ERCC1: variants seen among roughly 807,000 people sequenced by gnomAD.
ERCC1 encodes DNA excision repair protein ERCC-1.
ERCC1 carries 36 observed loss-of-function variants against 37.6 expected under a neutral mutation model. The ratio of observed to expected loss-of-function variants is 0.96; its 90% CI spans 0.73 to 1.26. ERCC1 has a LOEUF of 1.26. Among genes scored for constraint, ERCC1 ranks in the 50% most tolerant of loss-of-function variants. ERCC1 has a pLI of 0.00. For synonymous variants in ERCC1, 156 were observed against 162.1 expected (o/e 0.96, Z 0.28); for missense variants, 349 against 376.5 (o/e 0.93, Z 0.60).
In ERCC1 at chr19:45,408,005, G is replaced by A; in HGVS notation, c.*1670C>T. On this transcript the variant is annotated 3_prime_UTR_variant, in exon 10 of 10. Transcript: ENST00000300853. ...GGAGGTGGACATTGCAGTGAGCCGAGATCATGCCACTGCACTCCAGCCTAG... is the reference window on the plus strand; with the variant it reads ...GGAGGTGGACATTGCAGTGAGCCGAAATCATGCCACTGCACTCCAGCCTAG... The A allele has an allele frequency of 8.0e-7, 1 of 1,254,054 alleles. No individual in the cohort carries two copies. Among genetic ancestry groups the A allele is most frequent in the Non-Finnish European group, 1.1e-6 (1 of 925,928 alleles). 77.7% of individuals were successfully genotyped at this position (1,254,054 alleles called of 1,614,324 possible). A position where few individuals can be genotyped will look rare whatever the true frequency, so the allele number is the denominator to read the frequency against.
At chr19:45,450,491 C>G (rs1422340995) in intron 1 of ERCC1, 3 of 152,282 alleles carry the variant, frequency 2.0e-5, no homozygotes, top group East Asian at 3.8e-4. Flanking sequence ...CAGTCCAGGC[C>G]GGGCGCGGTG....
At chr19:45,423,079 CCT>C (rs1486280046) in intron 2 of ERCC1, among the ~76,000 whole-genome samples, 189 bp downstream of exon 2, 1 of 152,134 alleles carries the variant, frequency 6.6e-6, no homozygotes, top group Non-Finnish European at 1.5e-5. Context: ...CTGCCTTAGC[CCT>C]CTCTTAGAAC....
At chr19:45,442,794 G>T (rs1488876366) in intron 1 of ERCC1, among the ~76,000 whole-genome samples, 1 of 152,160 alleles carries the variant, frequency 6.6e-6, no homozygotes, top group Non-Finnish European at 1.5e-5. Flanking sequence ...CTGATGGAGG[G>T]CTTGGATGGA....
intron 1 of ERCC1, among the ~76,000 whole-genome samples, chr19:45,445,923 T>G (rs1158281343): frequency 1.3e-5 from 2 of 152,160 alleles, no homozygotes; most frequent in Non-Finnish European, 2.9e-5. Flanking sequence ...AGTTTCTTTC[T>G]TGCTGCCCAA....
rs771809793 is a variant in ERCC1 at position 45,409,472 on chromosome 19, C to T, written c.*203G>A. 9 of 1,611,210 alleles carry T rather than the reference C, an allele frequency of 5.6e-6. No individual in the cohort carries two copies. The East Asian group carries it at 1.3e-4, about 24-fold the overall frequency. ...GGCTCCCACAGGCCGGGACAAGAAG[C>T]GGAAGCAGCAGCAGCAGCAGCCTGT... is the stretch of plus-strand genomic sequence containing the variant. On this transcript the variant is annotated 3_prime_UTR_variant, in exon 10 of 10. Transcript: ENST00000300853.
intron 1 of ERCC1, among the ~76,000 whole-genome samples, chr19:45,448,745 G>A (rs1189083465): frequency 6.6e-6 from 1 of 151,890 alleles, no homozygotes; most frequent in Non-Finnish European, 1.5e-5. Flanking sequence ...CACATCAGAG[G>A]CTGAGAAAGA....
chr19:45,415,151 T>C (rs534692348), intron 6 of ERCC1, among the ~76,000 whole-genome samples, 191 bp from the exon 7 acceptor site: 1 of 150,892 alleles, frequency 6.6e-6, no homozygotes, highest in East Asian at 2.0e-4. Context: ...CTGGCCAACA[T>C]GGTGAAACCT....
chr19:45,441,655 G>A (rs113087444), intron 1 of ERCC1, among the ~76,000 whole-genome samples: 2 of 151,848 alleles, frequency 1.3e-5, no homozygotes, highest in South Asian at 2.1e-4. Context: ...GATTACAGGC[G>A]TAAGCCACTG....
At chr19:45,432,549 A>AT (rs1322544067) in intron 1 of ERCC1, among the ~76,000 whole-genome samples, 1 of 152,006 alleles carries the variant, frequency 6.6e-6, no homozygotes, top group East Asian at 1.9e-4. Context: ...TCCTCAATAC[A>AT]TTTTTTAAAT....
At chr19:45,409,869 CTT>C (rs1283600359) in intron 9 of ERCC1, 144 bp from the exon 10 acceptor site, 2 of 433,946 alleles carry the variant, frequency 4.6e-6, no homozygotes, top group Non-Finnish European at 8.2e-6. Flanking sequence ...CAGTTACAAT[CTT>C]TTTAAGTTAT....
Position 45,420,701 on chromosome 19 carries a change from C to A in ERCC1, c.322-274G>T, listed in dbSNP as rs3212953. Among the ~76,000 whole-genome samples the A allele has an allele frequency of 0.076, 11,539 of 152,130 alleles. 1,439 individuals carry two copies. The highest frequency in any genetic ancestry group is 0.26 in the African/African-American group (10,894 of 41,444). On this transcript the variant is annotated intron_variant, in intron 3 of 9. Coordinates refer to ENST00000300853, the MANE Select transcript of ERCC1 (RefSeq NM_001983.4). The surrounding 1 kb of genome is among the most constrained non-coding windows in gnomAD (Gnocchi z 4.8). ...CACCAGGCCTTTCCTAAAGGGTCCC[C>A]GGGTCTGTCTCCAGCTCAGCCCTCT...
chr19:45,422,270 C>T (rs544488729), intron 2 of ERCC1, among the ~76,000 whole-genome samples: 1 of 152,094 alleles, frequency 6.6e-6, no homozygotes, highest in Non-Finnish European at 1.5e-5. Flanking sequence ...AGAAACTACA[C>T]CTTCTACCAC....
Position 45,408,847 on chromosome 19 carries a change from A to G in ERCC1, c.*828T>C. On this transcript the variant is annotated 3_prime_UTR_variant, in exon 10 of 10. Transcript: ENST00000300853. ...CCCCGACCAAAAAGAGAAAGAGGCA[A>G]AAGGGGACGGAAGGGATGGAGCCAG... The G allele has an allele frequency of 1.2e-6, 2 of 1,614,184 alleles. No individual in the cohort carries two copies.
chr19:45,414,827 G>T, intron 7 of ERCC1, 34 bp downstream of exon 7: 1 of 1,468,786 alleles, frequency 6.8e-7, no homozygotes, highest in Non-Finnish European at 9.5e-7. Context: ...CTGCGGGGAG[G>T]CCCAGGCAGG....
At chr19:45,440,699 A>G (rs1357278832) in intron 1 of ERCC1, among the ~76,000 whole-genome samples, 1 of 151,950 alleles carries the variant, frequency 6.6e-6, no homozygotes, top group Non-Finnish European at 1.5e-5. Flanking sequence ...CCGTTTCTTT[A>G]TTTACCCACC....
chr19:45,435,529 C>T (rs1974953144), intron 1 of ERCC1, among the ~76,000 whole-genome samples: 1 of 152,130 alleles, frequency 6.6e-6, no homozygotes. Context: ...GTGTGGTGAT[C>T]ACAGCTCACT....
rs185452157 is a variant in ERCC1, at chr19:45,433,034, C to T, written c.-7-9653G>A. Among the ~76,000 whole-genome samples the T allele has an allele frequency of 1.9e-4, 28 of 150,954 alleles. No homozygotes were observed. In the East Asian group the frequency reaches 3.4e-3, roughly 18 times the overall value. The stretch of plus-strand genomic sequence containing the variant: ...GGCGGAGTTTGCGGTGAGCCGAGAT[C>T]GCGCCACTGCACTCCAGCCTGGGCA... On this transcript the variant is annotated intron_variant, in intron 1 of 8. Transcript: ENST00000423698.
At chr19:45,440,570 G>T (rs532969115) in intron 1 of ERCC1, among the ~76,000 whole-genome samples, 26 of 152,282 alleles carry the variant, frequency 1.7e-4, no homozygotes, top group Non-Finnish European at 3.1e-4. Context: ...CTGAGGCGAG[G>T]CATGGCCAGC....
chr19:45,408,570 T>C lies in ERCC1; in HGVS notation c.*1105A>G, dbSNP rs1555784604. ...GGGCACGGGGCCCTGGAGGTGGACA[T>C]GGCTTTGGGGTCGCCAGAAATGGAT... On this transcript the variant is annotated 3_prime_UTR_variant, in exon 10 of 10. Coordinates refer to ENST00000300853, the MANE Select transcript of ERCC1 (RefSeq NM_001983.4). 2 of 1,613,524 alleles carry C rather than the reference T, an allele frequency of 1.2e-6. No individual in the cohort carries two copies. Among genetic ancestry groups the C allele is most frequent in the South Asian group, 1.1e-5 (1 of 91,068 alleles).
Sources: allele counts gnomAD v4.1 joint callset (sites outside exome capture counted in the v4.1 genomes callset), GRCh38; gene constraint gnomAD v4.1.1; non-coding constraint Gnocchi (gnomAD v3.1); transcripts MANE v1.5; gene names NCBI Gene and HGNC (gene_info 2026-07-23, HGNC 2026-07-21).